Variants in TBC1D24 observed in about 807,000 individuals in gnomAD.
TBC1D24 encodes Infantile myoclonic epilepsy.
TBC1D24 carries 47 observed loss-of-function variants against 50.7 expected under a neutral mutation model. That is an observed-to-expected ratio of 0.93 (90% confidence interval 0.73 to 1.18). The LOEUF (loss-of-function observed/expected upper bound fraction) is 1.18. Among genes scored for constraint, TBC1D24 ranks in the 50% most tolerant of loss-of-function variants. TBC1D24 has a pLI of 0.00. For synonymous variants in TBC1D24, 324 were observed against 335.2 expected, an observed-to-expected ratio of 0.97 and a Z score of 0.36; for missense variants, 688 against 766.5, an observed-to-expected ratio of 0.90 and a Z score of 1.21.
chr16:2,477,667 T>C (rs146208476), intron 1 of TBC1D24: 1 of 152,386 alleles, frequency 6.6e-6, no homozygotes, highest in East Asian at 1.9e-4. Context: ...GTCTCTGCCC[T>C]TGAGCTTATA....
chr16:2,500,445 A>T lies in TBC1D24; in HGVS notation c.1480A>T (p.Thr494Ser), dbSNP rs1439902146. Reference protein sequence around the residue: ...AARHFNLPSKTESMFMAGGSD... With the variant: ...AARHFNLPSKSESMFMAGGSD... ...TCGCCACTTCAACCTGCCCTCCAAG[A>T]CCGAGTCCATGTTCATGGCGGGGGG... Residue 494 changes from threonine (T) to serine (S), a missense_variant, in exon 7 of 8, where the codon ACC becomes TCC. By Grantham distance (58) the Thr-to-Ser change is moderately conservative. Coordinates refer to ENST00000646147, the MANE Select transcript of TBC1D24 (RefSeq NM_001199107.2). This position sits in a 1 kb window ranked among gnomAD's most constrained non-coding sequence, Gnocchi z 8.0. 6.3e-7 allele frequency: 1 copy of T among 1,599,836 alleles called. No homozygotes were observed. Among genetic ancestry groups the T allele is most frequent in the Non-Finnish European group, 8.5e-7 (1 of 1,174,088 alleles).
chr16:2,500,741 G>A lies in TBC1D24; in HGVS notation c.1526-63G>A. The A allele has an allele frequency of 6.5e-7, 1 of 1,548,782 alleles. No individual in the cohort carries two copies. Among genetic ancestry groups the A allele is most frequent in the South Asian group, 1.2e-5 (1 of 85,470 alleles). ...CAGGGCAGGACAGCTGGGACAGCAG[G>A]TGAGGTGCCTGGGTCAGTGCTGATA... On this transcript the variant is annotated intron_variant, in intron 7 of 7. Transcript: ENST00000646147. This position sits in a 1 kb window ranked among gnomAD's most constrained non-coding sequence, Gnocchi z 8.0.
rs189391352 is a variant in TBC1D24, at chr16:2,483,464, T to C, written c.-116+8294T>C. On this transcript the variant is annotated intron_variant, in intron 1 of 7. Transcript: ENST00000646147. This position sits in a 1 kb window ranked among gnomAD's most constrained non-coding sequence, Gnocchi z 4.0. The stretch of plus-strand genomic sequence containing the variant: ...GAGAAAAGCCAGAGTGGCTGGTGGA[T>C]GCGGGGAGTCACAGCTCCGAGTGGG... 315 of 152,404 alleles carry C rather than the reference T, an allele frequency of 2.1e-3. 2 individuals carry two copies. The highest frequency in any genetic ancestry group is 3.4e-3 in the Middle Eastern group (1 of 298). The allele number at this position is 152,404 out of a possible 1,614,324, so 9.4% of individuals were successfully genotyped here. A position where few individuals can be genotyped will look rare whatever the true frequency, so the allele number is the denominator to read the frequency against.
rs1399938579 is a variant in TBC1D24, at chr16:2,486,911, C to T, written c.-115-9123C>T. Among the ~76,000 whole-genome samples, 1 of 152,184 alleles carries T rather than the reference C, an allele frequency of 6.6e-6. No individual in the cohort carries two copies. The highest frequency in any genetic ancestry group is 1.5e-5 in the Non-Finnish European group (1 of 68,030). On this transcript the variant is annotated intron_variant, in intron 1 of 7. Transcript: ENST00000646147. The surrounding 1 kb of genome is among the most constrained non-coding windows in gnomAD (Gnocchi z 5.8). ...AACCCTGAGCCATCTCTGGGGGTCC[C>T]CTCATCTTCTCCACCCTCCCGGTCT...
chr16:2,499,691 C>A lies in TBC1D24; in HGVS notation c.1207-144C>A. On this transcript the variant is annotated intron_variant, in intron 5 of 7. Transcript: ENST00000646147. The surrounding 1 kb of genome is among the most constrained non-coding windows in gnomAD (Gnocchi z 4.0). ...CACACCTGCAACACTGCCTTTCCCA[C>A]ACCACTCCTGCCCTGGGGTGGGGGT... is the stretch of plus-strand genomic sequence containing the variant. 1.2e-6 allele frequency: 1 copy of A among 829,070 alleles called. No homozygotes were observed. Among genetic ancestry groups the A allele is most frequent in the Non-Finnish European group, 2.1e-6 (1 of 477,520 alleles). The allele number at this position is 829,070 out of a possible 1,614,324, so 51.4% of individuals were successfully genotyped here.
intron 1 of TBC1D24, among the ~76,000 whole-genome samples, chr16:2,495,666 C>T (rs1300620280): frequency 6.6e-6 from 1 of 152,164 alleles, no homozygotes; most frequent in Non-Finnish European, 1.5e-5. Flanking sequence ...TTAGTCCCAG[C>T]TACTCAGAAG....
chr16:2,496,100 G>A lies in TBC1D24; in HGVS notation c.-49G>A. ...GGGGGCTGGAGGATTTAGCCACTCT[G>A]TCCTCCCCTTCCGGCAGTCCAGGGC... On this transcript the variant is annotated 5_prime_UTR_variant, in exon 2 of 8. Transcript: ENST00000646147. The A allele has an allele frequency of 6.2e-7, 1 of 1,611,204 alleles. No individual in the cohort carries two copies. The highest frequency in any genetic ancestry group is 8.5e-7 in the Non-Finnish European group (1 of 1,178,668).
chr16:2,499,473 T>A lies in TBC1D24; in HGVS notation c.1206+53T>A, dbSNP rs2065772260. On this transcript the variant is annotated intron_variant, in intron 5 of 7. Transcript: ENST00000646147. The surrounding 1 kb of genome is among the most constrained non-coding windows in gnomAD (Gnocchi z 4.0). ...GGCTCTGATGGGCTCCAGGGCTGGC[T>A]CTGATGGGCTCCAGGGCTGGCTCTG... is the stretch of plus-strand genomic sequence containing the variant. The A allele has an allele frequency of 1.3e-6, 2 of 1,522,764 alleles. No individual in the cohort carries two copies. Among genetic ancestry groups the A allele is most frequent in the Non-Finnish European group, 1.8e-6 (2 of 1,104,240 alleles). The allele number at this position is 1,522,764 out of a possible 1,614,324, so 94.3% of individuals were successfully genotyped here.
At position 2,475,916 on chromosome 16, in the gene TBC1D24, G is replaced by C. The variant is rs1232182166; in HGVS notation, c.-116+746G>C. Among the ~76,000 whole-genome samples, 4 of 152,238 alleles carry C rather than the reference G, an allele frequency of 2.6e-5. No individual in the cohort carries two copies. Among genetic ancestry groups the C allele is most frequent in the Non-Finnish European group, 5.9e-5 (4 of 68,030 alleles). ...CAGGGAAACGCGCTGTGGCCCCCGGGTTACTGCTTGCGGGGGTGATATTAA... is the reference window on the plus strand; with the variant it reads ...CAGGGAAACGCGCTGTGGCCCCCGGCTTACTGCTTGCGGGGGTGATATTAA... On this transcript the variant is annotated intron_variant, in intron 1 of 7. Transcript: ENST00000646147. This position sits in a 1 kb window ranked among gnomAD's most constrained non-coding sequence, Gnocchi z 4.2.
At chr16:2,476,078 C>T (rs765782376) in intron 1 of TBC1D24, among the ~76,000 whole-genome samples, 2 of 152,214 alleles carry the variant, frequency 1.3e-5, no homozygotes, top group Admixed American at 6.5e-5. Context: ...TCAGCCTGCC[C>T]TTCCAGTGCC....
rs572659205 is a variant in TBC1D24 at position 2,489,025 on chromosome 16, G to A, written c.-115-7009G>A. ...GCAGAGGTTGCAGTGTGCCGAGATCGTGCCACTGTATTCCAGCTTGGGTGA... is the reference window on the plus strand; with the variant it reads ...GCAGAGGTTGCAGTGTGCCGAGATCATGCCACTGTATTCCAGCTTGGGTGA... On this transcript the variant is annotated intron_variant, in intron 1 of 7. Coordinates refer to ENST00000646147, the MANE Select transcript of TBC1D24 (RefSeq NM_001199107.2). Among the ~76,000 whole-genome samples, 57 of 149,876 alleles carry A rather than the reference G, an allele frequency of 3.8e-4. 1 individual carries two copies. The highest frequency in any genetic ancestry group is 2.8e-3 in the East Asian group (14 of 5,084).
chr16:2,476,151 G>A (rs2065566409), intron 1 of TBC1D24, among the ~76,000 whole-genome samples: 1 of 152,248 alleles, frequency 6.6e-6, no homozygotes, highest in Non-Finnish European at 1.5e-5. Context: ...GTCACCAGGT[G>A]ACTTCCAGGC....
chr16:2,494,909 G>T (rs1490554853), intron 1 of TBC1D24, among the ~76,000 whole-genome samples: 1 of 151,934 alleles, frequency 6.6e-6, no homozygotes, highest in South Asian at 2.1e-4. Context: ...ATGTGGCTGC[G>T]CAACGTGACT....
chr16:2,475,206 G>GGGGTGGC lies in TBC1D24; in HGVS notation c.-116+47_-116+53dup, dbSNP rs973082588. On this transcript the variant is annotated intron_variant, in intron 1 of 7. Coordinates refer to ENST00000646147, the MANE Select transcript of TBC1D24 (RefSeq NM_001199107.2). The surrounding 1 kb of genome is among the most constrained non-coding windows in gnomAD (Gnocchi z 4.2). ...TCGGGGCGTGCGGGGGGCGCGCGGC[G>GGGGTGGC]GGGTGGCGGGTGGCGGGGCCGGGTC... 1 of 149,268 alleles carries GGGGTGGC rather than the reference G, an allele frequency of 6.7e-6. No homozygotes were observed. Among genetic ancestry groups the GGGGTGGC allele is most frequent in the Non-Finnish European group, 1.5e-5 (1 of 66,570 alleles). 9.2% of individuals were successfully genotyped at this position (149,268 alleles called of 1,614,324 possible).
rs764252146 is a variant in TBC1D24, at chr16:2,496,976, C to G, written c.828C>G (p.Ile276Met). 8 of 1,613,976 alleles carry G rather than the reference C, an allele frequency of 5.0e-6. No homozygotes were observed. The Middle Eastern group carries it at 6.6e-4, about 133-fold the overall frequency. The change falls in exon 2 of 8, where the codon ATC (isoleucine) becomes ATG (methionine). Residue 276 changes from isoleucine to methionine, a missense_variant. Physicochemically the swap from Ile to Met is conservative, Grantham distance 10. Coordinates refer to ENST00000646147, the MANE Select transcript of TBC1D24 (RefSeq NM_001199107.2). ...KQDIRTFVRD[I>M]AKTVSPEKLL... is the part of the protein sequence containing the mutation. ...ACATCCGCACGTTCGTCAGAGACAT[C>G]GCGAAGACGGTGTCCCCTGAGAAGC... is the stretch of plus-strand genomic sequence containing the variant.
chr16:2,499,370 T>C lies in TBC1D24; in HGVS notation c.1156T>C (p.Cys386Arg). 1.9e-6 allele frequency: 3 copies of C among 1,613,384 alleles called. No individual in the cohort carries two copies. The highest frequency in any genetic ancestry group is 1.7e-6 in the Non-Finnish European group (2 of 1,179,776). ...GYSLARFYFQ[C>R]EGHEPTLLLI... is the part of the protein sequence containing the mutation. ...TCTCTACGCCAGGTTCTACTTCCAG[T>C]GTGAAGGACATGAGCCTACCCTCTT... The change falls in exon 5 of 8, where the codon TGT becomes CGT. Residue 386 changes from cysteine (C) to arginine (R), a missense_variant. Cys to Arg is a radical substitution (Grantham distance 180). Coordinates refer to ENST00000646147, the MANE Select transcript of TBC1D24 (RefSeq NM_001199107.2). This position sits in a 1 kb window ranked among gnomAD's most constrained non-coding sequence, Gnocchi z 4.0.
At position 2,496,694 on chromosome 16, in the gene TBC1D24, G is replaced by T. The variant is rs182825122; in HGVS notation, c.546G>T (p.Thr182=). ...SFLAFESSCM[T]FGDLVNKYCQ... ...TGGCCTTTGAGTCGTCCTGCATGAC[G>T]TTTGGGGACCTGGTGAACAAGTACT... The change falls in exon 2 of 8, where the codon ACG becomes ACT. Residue 182 remains threonine (T), a synonymous_variant. Coordinates refer to ENST00000646147, the MANE Select transcript of TBC1D24 (RefSeq NM_001199107.2). 1 of 1,613,476 alleles carries T rather than the reference G, an allele frequency of 6.2e-7. No homozygotes were observed. Among genetic ancestry groups the T allele is most frequent in the Admixed American group, 1.7e-5 (1 of 60,030 alleles).
rs1176999149 is a variant in TBC1D24, at chr16:2,500,000, C to T, written c.1302+70C>T. ...GCTGCATCCCTCCAGGAGCACCCGC[C>T]TGCCCTGGGGACACTGTTGGGTGTC... is the stretch of plus-strand genomic sequence containing the variant. On this transcript the variant is annotated intron_variant, in intron 6 of 7. Coordinates refer to ENST00000646147, the MANE Select transcript of TBC1D24 (RefSeq NM_001199107.2). This position sits in a 1 kb window ranked among gnomAD's most constrained non-coding sequence, Gnocchi z 4.0. 39 of 1,402,352 alleles carry T rather than the reference C, an allele frequency of 2.8e-5. No individual in the cohort carries two copies. Among genetic ancestry groups the T allele is most frequent in the Non-Finnish European group, 4.0e-5 (39 of 987,126 alleles). The allele number at this position is 1,402,352 out of a possible 1,614,324, so 86.9% of individuals were successfully genotyped here. A position where few individuals can be genotyped will look rare whatever the true frequency, so the allele number is the denominator to read the frequency against.
intron 1 of TBC1D24, chr16:2,480,486 TGAG>T (rs1317409945): frequency 1.3e-5 from 2 of 152,110 alleles, no homozygotes; most frequent in Non-Finnish European, 2.9e-5. Flanking sequence ...GGGAATCTAC[TGAG>T]GATACAGATT....
Sources: allele counts gnomAD v4.1 joint callset (sites outside exome capture counted in the v4.1 genomes callset), GRCh38; gene constraint gnomAD v4.1.1; non-coding constraint Gnocchi (gnomAD v3.1); transcripts MANE v1.5; gene names NCBI Gene and HGNC (gene_info 2026-07-23, HGNC 2026-07-21).